The following DTNA variants were observed in gnomAD, a reference collection of about 807,000 sequenced individuals.
DTNA encodes the protein dystrophin-related protein 3.
Under a neutral mutation model 100.7 loss-of-function variants are expected in DTNA, and 43 were observed. That is an observed-to-expected ratio of 0.43 (90% confidence interval 0.33 to 0.55). DTNA has a LOEUF of 0.55. DTNA is among the 20% of genes least tolerant of loss of function. The pLI is 0.04. For missense variants in DTNA, 798 were observed against 953.9 expected, an observed-to-expected ratio of 0.84 and a Z score of 2.15; for synonymous variants, 349 against 347.9, an observed-to-expected ratio of 1.00 and a Z score of -0.04.
intron 1 of DTNA, among the ~76,000 whole-genome samples, chr18:34,576,673 G>A (rs2048142209): frequency 1.3e-5 from 2 of 152,028 alleles, no homozygotes; most frequent in Admixed American, 6.6e-5. Flanking sequence ...TGCCCAGGCT[G>A]GTCTCGAATT....
Position 34,888,377 on chromosome 18 carries a change from T to C in DTNA, c.*643T>C. On this transcript the variant is annotated 3_prime_UTR_variant, in exon 23 of 23. Transcript: ENST00000444659. ...GAGCCCGGAAGCCAAGAAGGGTCCT[T>C]GGCCTGCACGGTCTGTAGTTGACTC... 1.0e-6 allele frequency: 1 copy of C among 985,834 alleles called. No homozygotes were observed. Among genetic ancestry groups the C allele is most frequent in the Non-Finnish European group, 1.2e-6 (1 of 829,922 alleles). 61.1% of individuals were successfully genotyped at this position (985,834 alleles called of 1,614,324 possible).
At chr18:34,772,106 A>G (rs749001287) in intron 3 of DTNA, among the ~76,000 whole-genome samples, 11 of 152,314 alleles carry the variant, frequency 7.2e-5, no homozygotes, top group Admixed American at 3.3e-4. Context: ...GGAATATTCT[A>G]TCCTACACCC....
chr18:34,510,287 G>C (rs2040925273), intron 1 of DTNA, among the ~76,000 whole-genome samples: 1 of 151,658 alleles, frequency 6.6e-6, no homozygotes, highest in Non-Finnish European at 1.5e-5. Context: ...TTTTGTTTTT[G>C]TGTGTGTTCT....
chr18:34,588,025 T>A (rs1461565800), intron 1 of DTNA, among the ~76,000 whole-genome samples: 1 of 152,090 alleles, frequency 6.6e-6, no homozygotes, highest in Non-Finnish European at 1.5e-5. Flanking sequence ...AAGAAAATGA[T>A]CCAGAAAGTT....
intron 1 of DTNA, chr18:34,755,381 T>A (rs2092703158): frequency 6.5e-6 from 1 of 153,794 alleles, no homozygotes; most frequent in Non-Finnish European, 1.4e-5. Flanking sequence ...TCTAACCACC[T>A]TGCATGAAGT....
upstream of DTNA, among the ~76,000 whole-genome samples, chr18:34,709,925 C>T (rs1290395293): frequency 2.0e-5 from 3 of 152,148 alleles, no homozygotes; most frequent in Non-Finnish European, 4.4e-5. Flanking sequence ...GGGATTATTG[C>T]TGCATTTCCT....
chr18:34,761,191 C>T (rs1295941735), intron 2 of DTNA, among the ~76,000 whole-genome samples: 3 of 151,338 alleles, frequency 2.0e-5, no homozygotes, highest in African/African-American at 4.9e-5. Context: ...TAAAGCGTGG[C>T]AGAGTTCAGG....
rs745984418 is a variant in DTNA at position 34,890,347 on chromosome 18, C to A, written c.*2613C>A. The A allele has an allele frequency of 1.3e-6, 2 of 1,536,050 alleles. No homozygotes were observed. The highest frequency in any genetic ancestry group is 1.7e-6 in the Non-Finnish European group (2 of 1,146,894). ...GACTCGAGCACCCCTGTCCTGTAAG[C>A]GAGACAAAATGGCGTGTGTTATTTT... On this transcript the variant is annotated 3_prime_UTR_variant, in exon 23 of 23. Coordinates refer to ENST00000444659, the MANE Select transcript of DTNA (RefSeq NM_001386795.1).
chr18:34,655,240 C>CT (rs1184183058), intron 1 of DTNA, among the ~76,000 whole-genome samples: 3 of 152,134 alleles, frequency 2.0e-5, no homozygotes, highest in African/African-American at 7.2e-5. Flanking sequence ...TTCTCTGAAT[C>CT]GGTTATTGGA....
intron 1 of DTNA, among the ~76,000 whole-genome samples, chr18:34,669,134 G>T (rs1357933421): frequency 4.6e-5 from 7 of 152,138 alleles, no homozygotes. Context: ...TATATATTTA[G>T]GATAGTTAGC....
rs1308800834 is a variant in DTNA, at chr18:34,877,752, T to C, written c.1937T>C (p.Val646Ala). The part of the protein sequence containing the change: ...SRRNLRNDLL[V>A]AADSITNTMS... ...AGAAACTTAAGGAATGACTTGCTAG[T>C]GGCTGCAGATTCCATCACTAACACT... The change falls in exon 19 of 23, where the codon GTG becomes GCG. Residue 646 changes from valine to alanine, a missense_variant. By Grantham distance (64) the Val-to-Ala change is moderately conservative. Transcript: ENST00000444659. The C allele has an allele frequency of 6.2e-7, 1 of 1,614,008 alleles. No individual in the cohort carries two copies. The highest frequency in any genetic ancestry group is 1.7e-5 in the Admixed American group (1 of 60,026).
chr18:34,556,065 G>T (rs2046004727), intron 1 of DTNA, among the ~76,000 whole-genome samples: 1 of 151,136 alleles, frequency 6.6e-6, no homozygotes, highest in African/African-American at 2.4e-5. Context: ...TGTATTGGGT[G>T]CATATATATT....
rs2730106 is a variant in DTNA, at chr18:34,603,615, A to T, written c.-2+110101A>T. 1.7e-3 allele frequency among the ~76,000 whole-genome samples: 260 copies of T among 152,252 alleles called. 3 individuals carry two copies. The highest frequency in any genetic ancestry group is 6.0e-3 in the African/African-American group (251 of 41,554). On this transcript the variant is annotated intron_variant, in intron 1 of 19. Coordinates refer to the DTNA transcript ENST00000283365. ...CAGAGCTTGCAATAATATTTGTTTA[A>T]TACTGTTGAGGAATATTATCTTTGA...
Position 34,884,711 on chromosome 18 carries a change from T to C in DTNA, c.2296-17T>C. 1.2e-6 allele frequency: 2 copies of C among 1,614,108 alleles called. No individual in the cohort carries two copies. The highest frequency in any genetic ancestry group is 1.7e-6 in the Non-Finnish European group (2 of 1,179,958). On this transcript the variant is annotated splice_polypyrimidine_tract_variant and intron_variant, in intron 21 of 22. Transcript: ENST00000444659. ...TGACGTGTCACCTTTCTCGTTTGTG[T>C]CCTTTGTCACCCACAGGTCAGCTTG...
intron 1 of DTNA, among the ~76,000 whole-genome samples, chr18:34,509,470 A>G (rs1357276291): frequency 6.6e-6 from 1 of 152,102 alleles, no homozygotes; most frequent in African/African-American, 2.4e-5. Flanking sequence ...TTTTTTCCAC[A>G]TGCAGATAAA....
intron 1 of DTNA, among the ~76,000 whole-genome samples, chr18:34,499,396 T>C (rs917476305): frequency 6.6e-6 from 1 of 152,202 alleles, no homozygotes; most frequent in Non-Finnish European, 1.5e-5. Context: ...TTGAAAGACA[T>C]CTGGGTTATT....
intron 1 of DTNA, among the ~76,000 whole-genome samples, chr18:34,675,647 A>G (rs1410790044): frequency 6.6e-6 from 1 of 152,214 alleles, no homozygotes; most frequent in Non-Finnish European, 1.5e-5. Context: ...ATTTCACCCT[A>G]CCTTGTTTAT....
intron 3 of DTNA, among the ~76,000 whole-genome samples, chr18:34,784,286 T>C (rs1320394448): frequency 2.0e-5 from 3 of 152,240 alleles, no homozygotes; most frequent in Non-Finnish European, 2.9e-5. Context: ...TATTCCCTCA[T>C]TGAAAAATTA....
Position 34,889,129 on chromosome 18 carries a change from A to AT in DTNA, c.*1402dup, listed in dbSNP as rs200402891. The AT allele has an allele frequency of 4.0e-4, 388 of 966,152 alleles. No homozygotes were observed. Among genetic ancestry groups the AT allele is most frequent in the South Asian group, 8.1e-4 (17 of 20,994 alleles). 59.8% of individuals were successfully genotyped at this position (966,152 alleles called of 1,614,324 possible). ...AATCTTCTACTTGCTTCAAGATTTGATTTTTTTAAAAAAGCCTGCGACCTA... is the reference window on the plus strand; with the variant it reads ...AATCTTCTACTTGCTTCAAGATTTGATTTTTTTTAAAAAAGCCTGCGACCTA... On this transcript the variant is annotated 3_prime_UTR_variant, in exon 23 of 23. Transcript: ENST00000444659.
Sources: gnomAD v4.1 joint callset for allele counts (sites outside exome capture counted in the v4.1 genomes callset) on GRCh38, gnomAD v4.1.1 for gene constraint, MANE v1.5 for transcripts, NCBI Gene and HGNC (gene_info 2026-07-23, HGNC 2026-07-21) for gene names.